PLA2R1: variants seen among roughly 807,000 people sequenced by gnomAD.
PLA2R1 encodes the protein phospholipase A2 receptor 1.
A neutral mutation model predicts 195.9 loss-of-function variants in PLA2R1; 158 were observed. The observed-to-expected ratio is 0.81, with a 90% confidence interval of 0.71 to 0.92. The LOEUF (loss-of-function observed/expected upper bound fraction) is 0.92, where lower values mean the gene tolerates loss of function less well. Ranked by LOEUF, PLA2R1 falls within the 40% of genes least tolerant of loss-of-function variation. The pLI is 0.00. For synonymous variants in PLA2R1, 586 were observed against 598.2 expected (o/e 0.98, Z 0.30); for missense variants, 1,626 against 1,764.6 (o/e 0.92, Z 1.41).
chr2:159,987,944 T>C (rs1477994652), intron 11 of PLA2R1, among the ~76,000 whole-genome samples: 1 of 152,166 alleles, frequency 6.6e-6, no homozygotes, highest in Non-Finnish European at 1.5e-5. Flanking sequence ...GGGGCTTTTA[T>C]ATGAAAAGCA....
intron 17 of PLA2R1, 75 bp from the exon 18 acceptor site, chr2:159,970,287 C>T: frequency 2.1e-6 from 2 of 938,648 alleles, no homozygotes; most frequent in South Asian, 1.5e-5. Flanking sequence ...GGGGTTGCTG[C>T]TAATAGCTTT....
intron 1 of PLA2R1, among the ~76,000 whole-genome samples, chr2:160,059,975 G>T (rs1695842770): frequency 6.6e-6 from 1 of 152,122 alleles, no homozygotes; most frequent in Admixed American, 6.6e-5. Context: ...GATTTGGGTG[G>T]GGGCATAGCC....
chr2:159,995,986 C>A (rs145991174), intron 11 of PLA2R1, among the ~76,000 whole-genome samples: 426 of 152,162 alleles, frequency 2.8e-3, no homozygotes, highest in Admixed American at 5.6e-3. Flanking sequence ...GCAAATCTAT[C>A]ATCTATCTGT....
chr2:160,062,369 A>C lies in PLA2R1; in HGVS notation c.35T>G (p.Leu12Arg). Residue 12 changes from leucine (L) to arginine (R), a missense_variant, in exon 1 of 30, where the codon CTG (leucine) becomes CGG (arginine). By Grantham distance (102) the Leu-to-Arg change is moderately radical. Transcript: ENST00000283243. ...LLSPSLLLLL[L>R]LGAPRGCAEG... is the part of the protein sequence containing the mutation. ...GGCGCAGCCCCGCGGCGCCCCCAGC[A>C]GCAGCAGCAGCAGCAGCGACGGCGA... 6.5e-7 allele frequency: 1 copy of C among 1,534,904 alleles called. No homozygotes were observed. Among genetic ancestry groups the C allele is most frequent in the Non-Finnish European group, 8.8e-7 (1 of 1,139,584 alleles).
chr2:159,972,570 C>A (rs1689261862), intron 17 of PLA2R1, among the ~76,000 whole-genome samples: 1 of 152,088 alleles, frequency 6.6e-6, no homozygotes. Flanking sequence ...TTAAAATGTT[C>A]CCATCAAGGA....
downstream of PLA2R1, among the ~76,000 whole-genome samples, chr2:159,929,494 A>AAAATAT (rs1482073753): frequency 3.3e-5 from 5 of 152,040 alleles, no homozygotes; most frequent in Non-Finnish European, 7.4e-5. Context: ...AAAAAAATAT[A>AAAATAT]AAAAAATAGA....
chr2:159,971,472 G>GCA (rs1560161969), intron 17 of PLA2R1, among the ~76,000 whole-genome samples: 5 of 126,970 alleles, frequency 3.9e-5, no homozygotes, highest in Non-Finnish European at 7.8e-5. Flanking sequence ...ACGTGTGTGC[G>GCA]CGCACACACA....
chr2:160,029,213 T>C (rs1693703624), intron 4 of PLA2R1, among the ~76,000 whole-genome samples: 1 of 152,114 alleles, frequency 6.6e-6, no homozygotes, highest in African/African-American at 2.4e-5. Flanking sequence ...CCTTTCAGGG[T>C]TGTCAATCTA....
At position 159,952,202 on chromosome 2, in the gene PLA2R1, A is replaced by T. The variant is rs1298553064; in HGVS notation, c.3302-624T>A. The stretch of plus-strand genomic sequence containing the variant: ...TCACCTGTCAGAGTCAAAGTTTATA[A>T]ATTAAAAGGCAAGGTTTTCCCACAC... On this transcript the variant is annotated intron_variant, in intron 23 of 29. Coordinates refer to ENST00000283243, the MANE Select transcript of PLA2R1 (RefSeq NM_007366.5). Among the ~76,000 whole-genome samples the T allele has an allele frequency of 2.0e-5, 3 of 152,316 alleles. No individual in the cohort carries two copies. The South Asian group carries it at 6.2e-4, about 32-fold the overall frequency.
intron 19 of PLA2R1, among the ~76,000 whole-genome samples, chr2:159,968,619 T>G (rs927660606): frequency 3.3e-5 from 5 of 152,210 alleles, no homozygotes; most frequent in Admixed American, 2.6e-4. Context: ...AGGTTAGTTA[T>G]GAATCTGTTA....
At chr2:159,952,123 TTAA>T (rs1158785710) in intron 23 of PLA2R1, among the ~76,000 whole-genome samples, 3 of 152,226 alleles carry the variant, frequency 2.0e-5, no homozygotes, top group Non-Finnish European at 2.9e-5. Flanking sequence ...AAAAATAAAG[TTAA>T]TAAATTCTTA....
chr2:160,047,071 G>A (rs1379043289), intron 1 of PLA2R1, among the ~76,000 whole-genome samples: 1 of 152,138 alleles, frequency 6.6e-6, no homozygotes, highest in Non-Finnish European at 1.5e-5. Flanking sequence ...TGTATTATAA[G>A]CTCTGCAACG....
In PLA2R1 at chr2:160,005,652, G is replaced by A. The variant is rs200728118; in HGVS notation, c.1834C>T (p.Arg612Cys). The A allele has an allele frequency of 4.0e-5, 64 of 1,612,456 alleles. No homozygotes were observed. Among genetic ancestry groups the A allele is most frequent in the Middle Eastern group, 1.6e-4 (1 of 6,076 alleles). ...TGGTGATGCAGCACACTCTACTCAC[G>A]CGGCTGGTGTGTGTTCCAGTGTGTG... ...QYTHWNTHQP[R>C]YSGGCVAMRG... Residue 612 changes from arginine to cysteine, a missense_variant and splice_region_variant, in exon 11 of 30, where the codon CGC becomes TGC. Arg to Cys is a radical substitution (Grantham distance 180, BLOSUM62 -3). Transcript: ENST00000283243.
chr2:160,044,198 T>G (rs1694722384), intron 2 of PLA2R1, among the ~76,000 whole-genome samples: 1 of 152,054 alleles, frequency 6.6e-6, no homozygotes, highest in South Asian at 2.1e-4. Flanking sequence ...GAAATTCCCC[T>G]CTAAACCATG....
At position 159,932,451 on chromosome 2, in the gene PLA2R1, C is replaced by A. The variant is rs1465141487; in HGVS notation, c.*9327G>T. ...ACAGAACCACATTTTGGGCTAAGAACTCCAAAGCCCTTGGTGACTCACTGA... is the reference window on the plus strand; with the variant it reads ...ACAGAACCACATTTTGGGCTAAGAAATCCAAAGCCCTTGGTGACTCACTGA... On this transcript the variant is annotated 3_prime_UTR_variant, in exon 30 of 30. Transcript: ENST00000283243. The A allele has an allele frequency of 6.6e-6, 1 of 152,266 alleles. No individual in the cohort carries two copies. The highest frequency in any genetic ancestry group is 1.5e-5 in the Non-Finnish European group (1 of 68,072). The allele number at this position is 152,266 out of a possible 1,614,324, so 9.4% of individuals were successfully genotyped here. A position where few individuals can be genotyped will look rare whatever the true frequency, so the allele number is the denominator to read the frequency against.
In PLA2R1 at chr2:160,029,485, A is replaced by G. The variant is rs115340826; in HGVS notation, c.842-522T>C. ...CAGGTTGGGACCTAAGGCTGTGTGC[A>G]GTGCAAACTGGAGGCTGCTTCCACA... is the stretch of plus-strand genomic sequence containing the variant. On this transcript the variant is annotated intron_variant, in intron 4 of 29. Coordinates refer to ENST00000283243, the MANE Select transcript of PLA2R1 (RefSeq NM_007366.5). 5.9e-3 allele frequency among the ~76,000 whole-genome samples: 906 copies of G among 152,290 alleles called. 10 individuals are homozygous for G. Among genetic ancestry groups the G allele is most frequent in the African/African-American group, 0.02 (826 of 41,568 alleles).
At chr2:160,039,648 C>A (rs1428326429) in intron 3 of PLA2R1, among the ~76,000 whole-genome samples, 3 of 152,084 alleles carry the variant, frequency 2.0e-5, no homozygotes, top group Non-Finnish European at 2.9e-5. Context: ...GTTTCAATCT[C>A]CGACACGTCA....
At chr2:160,061,141 C>T (rs1695924733) in intron 1 of PLA2R1, among the ~76,000 whole-genome samples, 1 of 152,180 alleles carries the variant, frequency 6.6e-6, no homozygotes, top group Non-Finnish European at 1.5e-5. Context: ...TACCCCTTCT[C>T]TCCAAACTTA....
intron 12 of PLA2R1, 98 bp downstream of exon 12, chr2:159,987,058 A>G (rs920815486): frequency 6.0e-6 from 5 of 831,900 alleles, no homozygotes; most frequent in East Asian, 2.6e-5. Flanking sequence ...ACTGTTCTGG[A>G]AAAAAAAAGG....
Sources: allele counts gnomAD v4.1 joint callset (sites outside exome capture counted in the v4.1 genomes callset), GRCh38; gene constraint gnomAD v4.1.1; transcripts MANE v1.5; gene names NCBI Gene and HGNC (gene_info 2026-07-23, HGNC 2026-07-21).